Variants in MASP1 observed in about 807,000 individuals in gnomAD.
MASP1 encodes the protein mannan-binding lectin serine protease 1.
Under a neutral mutation model 77.1 loss-of-function variants are expected in MASP1, and 59 were observed. The observed-to-expected ratio is 0.77, with a 90% CI of 0.62 to 0.95. The LOEUF is 0.95. Among genes scored for constraint, MASP1 ranks in the 40% least tolerant of loss-of-function variants. MASP1 has a pLI of 0.00. For synonymous variants in MASP1, 362 were observed against 354.5 expected (o/e 1.02, Z -0.24); for missense variants, 885 against 912.9 (o/e 0.97, Z 0.39).
intron 3 of MASP1, among the ~76,000 whole-genome samples, chr3:187,261,984 T>C (rs1366177931): frequency 6.6e-6 from 1 of 152,230 alleles, no homozygotes; most frequent in Non-Finnish European, 1.5e-5. Context: ...AAATGTATTC[T>C]GTATGTTTTC....
intron 2 of MASP1, among the ~76,000 whole-genome samples, chr3:187,272,372 T>A (rs1716597044): frequency 6.6e-6 from 1 of 152,202 alleles, no homozygotes; most frequent in African/African-American, 2.4e-5. Context: ...AATGATTAGA[T>A]GTTGGAAAAA....
At chr3:187,249,961 G>C (rs764711627) in intron 8 of MASP1, among the ~76,000 whole-genome samples, 1 of 152,210 alleles carries the variant, frequency 6.6e-6, no homozygotes, top group African/African-American at 2.4e-5. Context: ...TTTGAACCTG[G>C]ACACGTGCTA....
At chr3:187,255,869 G>C (rs1715030236) in intron 5 of MASP1, among the ~76,000 whole-genome samples, 1 of 151,134 alleles carries the variant, frequency 6.6e-6, no homozygotes. Context: ...CATTTCCACA[G>C]TTTAAATCAG....
rs747220932 is a variant in MASP1, at chr3:187,262,720, C to A, written c.238G>T (p.Val80Leu). 4.3e-6 allele frequency: 7 copies of A among 1,613,784 alleles called. No homozygotes were observed. In the East Asian group the frequency reaches 6.7e-5, roughly 15 times the overall value. ...SYLCEYDYVK[V>L]ETEDQVLATF... ...GCCAGCACCTGGTCCTCAGTTTCTA[C>A]CTTTGAGGTCAAAGAGAAAGGGAAC... is the stretch of plus-strand genomic sequence containing the variant. The change falls in exon 3 of 11, where the codon GTA becomes TTA. Residue 80 changes from valine to leucine, a missense_variant and splice_region_variant. Physicochemically the swap from Val to Leu is conservative, Grantham distance 32 (BLOSUM62 1). Transcript: ENST00000296280.
At position 187,268,809 on chromosome 3, in the gene MASP1, G is replaced by C. The variant is rs574312311; in HGVS notation, c.238-6089C>G. ...AGGCCGGGTGTGGTGGCTTACGCCT[G>C]TAATCCCAGTACTTTGGGAGGCCAA... On this transcript the variant is annotated intron_variant, in intron 2 of 10. Transcript: ENST00000296280. Among the ~76,000 whole-genome samples the C allele has an allele frequency of 1.1e-4, 16 of 152,304 alleles. No individual in the cohort carries two copies. The South Asian group carries it at 3.1e-3, about 30-fold the overall frequency.
chr3:187,261,582 G>A (rs1344028695), intron 3 of MASP1, among the ~76,000 whole-genome samples: 1 of 152,210 alleles, frequency 6.6e-6, no homozygotes, highest in Non-Finnish European at 1.5e-5. Flanking sequence ...TCTAATGTTG[G>A]TTTAGATGTG....
At chr3:187,279,768 C>A (rs1717262528) in intron 2 of MASP1, among the ~76,000 whole-genome samples, 1 of 152,178 alleles carries the variant, frequency 6.6e-6, no homozygotes. Flanking sequence ...TATTATTTAC[C>A]TCTAAAGACT....
chr3:187,220,112 T>G (rs1329312028), exon 16 of MASP1: 2 of 1,614,074 alleles, frequency 1.2e-6, no homozygotes, highest in East Asian at 2.2e-5. Flanking sequence ...CAGTCCTTGT[T>G]GTGGTGGATG....
At chr3:187,252,314 C>A (rs1303391120) in intron 6 of MASP1, among the ~76,000 whole-genome samples, 1 of 152,208 alleles carries the variant, frequency 6.6e-6, no homozygotes, top group Non-Finnish European at 1.5e-5. Flanking sequence ...AATTTTCACT[C>A]ATTTGTCCTC....
In MASP1 at chr3:187,253,178, G is replaced by C. The variant is rs1158573882; in HGVS notation, c.882C>G (p.Tyr294Ter). 2.5e-6 allele frequency: 4 copies of C among 1,614,006 alleles called. No individual in the cohort carries two copies. Among genetic ancestry groups the C allele is most frequent in the Non-Finnish European group, 3.4e-6 (4 of 1,179,992 alleles). Reference protein sequence around the residue: ...SGENRGWRLSYRAAGNECPEL... With the variant: ...SGENRGWRLS ...GAGGGAAGAGGTTACCTGCAGCCCT[G>C]TATGAGAGCCTCCAGCCCCGGTTCT... is the stretch of plus-strand genomic sequence containing the variant. Residue 294 changes from tyrosine to a stop codon, truncating the protein, a stop_gained, in exon 6 of 11, where the codon TAC (tyrosine) becomes TAG (stop). Transcript: ENST00000296280. LOFTEE classifies it high-confidence loss of function.
chr3:187,273,371 A>G (rs1339661367), intron 2 of MASP1, among the ~76,000 whole-genome samples: 1 of 152,342 alleles, frequency 6.6e-6, no homozygotes, highest in South Asian at 2.1e-4. Context: ...GAGAGACATC[A>G]AAAGGGTACT....
chr3:187,224,915 C>T (rs560482056), intron 13 of MASP1, among the ~76,000 whole-genome samples: 1 of 152,304 alleles, frequency 6.6e-6, no homozygotes, highest in African/African-American at 2.4e-5. Context: ...GTTCTGGCCC[C>T]ATAGGGCCCC....
chr3:187,236,197 C>G lies in MASP1; in HGVS notation c.1674G>C (p.Gln558His), dbSNP rs752739715. ...QNYNHDIALV[Q>H]LQEPVPLGPH... ...GTCCCAGGGGCACAGGCTCCTGCAG[C>G]TGCACCAGAGCTATATCGTGGTTGT... Residue 558 changes from glutamine to histidine, a missense_variant, in exon 11 of 11, where the codon CAG becomes CAC. By Grantham distance (24) the Gln-to-His change is conservative (BLOSUM62 0). Coordinates refer to ENST00000296280, the MANE Select transcript of MASP1 (RefSeq NM_139125.4). 4 of 1,614,188 alleles carry G rather than the reference C, an allele frequency of 2.5e-6. No homozygotes were observed. The South Asian group carries it at 4.4e-5, about 18-fold the overall frequency.
intron 1 of MASP1, 129 bp downstream of exon 1, chr3:187,291,499 A>G: frequency 7.9e-7 from 1 of 1,261,314 alleles, no homozygotes; most frequent in Non-Finnish European, 1.2e-6. Flanking sequence ...CTAAGAATTG[A>G]TGAGAAAGCC....
chr3:187,270,037 T>G (rs1338013046), intron 2 of MASP1, among the ~76,000 whole-genome samples: 1 of 152,232 alleles, frequency 6.6e-6, no homozygotes, highest in Non-Finnish European at 1.5e-5. Flanking sequence ...AATAATACAT[T>G]GTTTGCAAAA....
At chr3:187,231,264 C>G (rs1712747390), downstream of MASP1, among the ~76,000 whole-genome samples, 1 of 152,222 alleles carries the variant, frequency 6.6e-6, no homozygotes, top group Non-Finnish European at 1.5e-5. Flanking sequence ...GACTGTCACC[C>G]CTCTCTTGTA....
rs532484033 is a variant in MASP1 at position 187,250,152 on chromosome 3, G to A, written c.1090+99C>T. The A allele has an allele frequency of 3.1e-5, 29 of 947,510 alleles. No individual in the cohort carries two copies. In the African/African-American group the frequency reaches 4.0e-4, roughly 13 times the overall value. 58.7% of individuals were successfully genotyped at this position (947,510 alleles called of 1,614,324 possible). On this transcript the variant is annotated intron_variant, in intron 8 of 10. Coordinates refer to ENST00000296280, the MANE Select transcript of MASP1 (RefSeq NM_139125.4). ...TAAATTCCTGCTCCCATCCCCCTTA[G>A]AGTGCTCCTGCCAAGCTTTCACCCT... is the stretch of plus-strand genomic sequence containing the variant.
chr3:187,218,963 C>G (rs1711886026), exon 16 of MASP1: 1 of 152,246 alleles, frequency 6.6e-6, no homozygotes, highest in South Asian at 2.1e-4. Context: ...TACAAACTAC[C>G]AGGGCCCACC....
chr3:187,232,341 C>T (rs1712817730), downstream of MASP1, among the ~76,000 whole-genome samples: 1 of 151,312 alleles, frequency 6.6e-6, no homozygotes, highest in Non-Finnish European at 1.5e-5. Context: ...GTAGATGATG[C>T]CCTCTACCTC....
Sources: gnomAD v4.1 joint callset for allele counts (sites outside exome capture counted in the v4.1 genomes callset) on GRCh38, gnomAD v4.1.1 for gene constraint, MANE v1.5 for transcripts, NCBI Gene and HGNC (gene_info 2026-07-23, HGNC 2026-07-21) for gene names.